The following CA3 variants were observed in gnomAD, a reference collection of about 807,000 sequenced individuals.
The protein encoded by CA3 is CA-III.
In CA3, 30 loss-of-function variants were observed where a neutral mutation model predicts 35.7. The ratio of observed to expected loss-of-function variants is 0.84; its 90% CI spans 0.63 to 1.14. The LOEUF (loss-of-function observed/expected upper bound fraction) is 1.14. Ranked by LOEUF, CA3 falls within the 50% of genes most tolerant of loss-of-function variation. CA3 has a pLI of 0.00. For synonymous variants in CA3, 131 were observed against 130.8 expected (o/e 1.00, Z -0.01); for missense variants, 295 against 328.5 (o/e 0.90, Z 0.79).
intron 1 of CA3, among the ~76,000 whole-genome samples, chr8:85,439,240 A>G (rs1005573919): frequency 6.6e-6 from 1 of 152,160 alleles, no homozygotes; most frequent in African/African-American, 2.4e-5. Context: ...GCCCGAGGTC[A>G]GGTGTGACTG....
Position 85,443,959 on chromosome 8 carries a change from G to A in CA3, c.352-75G>A, listed in dbSNP as rs537632960. ...CAACCTTAGCCTGTACAATGATTGG[G>A]TTTATTGTGGATAATGTTGTACTTA... On this transcript the variant is annotated intron_variant, in intron 3 of 6. Coordinates refer to ENST00000285381, the MANE Select transcript of CA3 (RefSeq NM_005181.4). The A allele has an allele frequency of 1.3e-5, 13 of 1,038,768 alleles. No homozygotes were observed. The African/African-American group carries it at 1.9e-4, about 15-fold the overall frequency. 64.3% of individuals were successfully genotyped at this position (1,038,768 alleles called of 1,614,324 possible). A position where few individuals can be genotyped will look rare whatever the true frequency, so the allele number is the denominator to read the frequency against.
At chr8:85,439,064 T>A in intron 1 of CA3, 121 bp downstream of exon 1, 1 of 949,618 alleles carries the variant, frequency 1.1e-6, no homozygotes, top group East Asian at 2.6e-5. Context: ...GAATAAGACC[T>A]AACATTTACT....
chr8:85,446,913 T>C (rs1421236730), intron 6 of CA3, among the ~76,000 whole-genome samples: 2 of 152,114 alleles, frequency 1.3e-5, no homozygotes, highest in Non-Finnish European at 2.9e-5. Flanking sequence ...AAAAGCTGTG[T>C]AGGAGAAAAT....
At position 85,439,564 on chromosome 8, in the gene CA3, A is replaced by G. The variant is rs144227764; in HGVS notation, c.35-148A>G. On this transcript the variant is annotated intron_variant, in intron 1 of 6. Transcript: ENST00000285381. ...AAAACTACCAACAGGCCTGAAATGA[A>G]TGCTAAGTCTCTTATTGCCCAGTCT... 130 of 603,454 alleles carry G rather than the reference A, an allele frequency of 2.2e-4. No homozygotes were observed. The Middle Eastern group carries it at 3.1e-3, about 14-fold the overall frequency. The allele number at this position is 603,454 out of a possible 1,614,324, so 37.4% of individuals were successfully genotyped here.
chr8:85,440,579 CAA>C (rs1811194518), intron 2 of CA3, among the ~76,000 whole-genome samples: 1 of 152,094 alleles, frequency 6.6e-6, no homozygotes, highest in Non-Finnish European at 1.5e-5. Flanking sequence ...CACTAGTAAG[CAA>C]ATCAGTATAA....
intron 1 of CA3, 52 bp downstream of exon 1, chr8:85,438,995 G>C: frequency 3.2e-6 from 5 of 1,541,676 alleles, no homozygotes; most frequent in Non-Finnish European, 4.4e-6. Context: ...GTCCAGGAGA[G>C]CCCTGCCATT....
intron 2 of CA3, chr8:85,441,851 C>G: frequency 1.9e-6 from 1 of 518,662 alleles, no homozygotes; most frequent in South Asian, 2.5e-5. Flanking sequence ...AATAATGAAA[C>G]AAGCAAACAA....
chr8:85,443,297 A>G, intron 3 of CA3, among the ~76,000 whole-genome samples: 1 of 152,204 alleles, frequency 6.6e-6, no homozygotes, highest in Admixed American at 6.5e-5. Context: ...AAGCCAAACC[A>G]ATAAGTGGTG....
At chr8:85,441,599 T>C (rs1290050622) in intron 2 of CA3, among the ~76,000 whole-genome samples, 1 of 152,176 alleles carries the variant, frequency 6.6e-6, no homozygotes, top group Non-Finnish European at 1.5e-5. Flanking sequence ...TCTGAAAGTT[T>C]GGTATTATTA....
chr8:85,445,407 GT>G (rs1480336021), intron 5 of CA3, among the ~76,000 whole-genome samples, 189 bp downstream of exon 5: 1 of 151,726 alleles, frequency 6.6e-6, no homozygotes, highest in Non-Finnish European at 1.5e-5. Flanking sequence ...ACATATATCA[GT>G]TTTTTTAATG....
At chr8:85,446,392 T>G in intron 6 of CA3, 95 bp downstream of exon 6, 1 of 1,364,844 alleles carries the variant, frequency 7.3e-7, no homozygotes, top group Non-Finnish European at 1.0e-6. Context: ...AACTGGATAC[T>G]CACTGAACAG....
At chr8:85,445,126 A>T in intron 4 of CA3, 30 bp from the exon 5 acceptor site, 1 of 1,487,122 alleles carries the variant, frequency 6.7e-7, no homozygotes, top group Non-Finnish European at 9.3e-7. Flanking sequence ...GAAGTAAAAG[A>T]ACTATACTTG....
At position 85,446,296 on chromosome 8, in the gene CA3, A is replaced by C; in HGVS notation, c.662A>C (p.Gln221Pro). 3 of 1,611,908 alleles carry C rather than the reference A, an allele frequency of 1.9e-6. No individual in the cohort carries two copies. Among genetic ancestry groups the C allele is most frequent in the Non-Finnish European group, 2.5e-6 (3 of 1,178,344 alleles). The change falls in exon 6 of 7, where the codon CAG becomes CCG. Residue 221 changes from glutamine to proline, a missense_variant and splice_region_variant. By Grantham distance (76) the Gln-to-Pro change is moderately conservative (BLOSUM62 -1). Transcript: ENST00000285381. ...GAGCCCATGACCGTGAGCTCTGACC[A>C]GGTGAGCAGCCTTGTGAACACGTGG... The part of the protein sequence containing the change: ...LKEPMTVSSD[Q>P]MAKLRSLLSS...
In CA3 at chr8:85,448,365, A is replaced by T; in HGVS notation, c.*212A>T. ...TATGAAAGCATAGATTTCACATTTG[A>T]TCTCTGTAATAATCATCTTTCCTAT... On this transcript the variant is annotated 3_prime_UTR_variant, in exon 7 of 7. Transcript: ENST00000285381. 1 of 382,188 alleles carries T rather than the reference A, an allele frequency of 2.6e-6. No homozygotes were observed. Among genetic ancestry groups the T allele is most frequent in the Non-Finnish European group, 4.6e-6 (1 of 217,954 alleles). 23.7% of individuals were successfully genotyped at this position (382,188 alleles called of 1,614,324 possible).
chr8:85,445,449 C>T (rs1811273669), intron 5 of CA3, among the ~76,000 whole-genome samples: 1 of 151,836 alleles, frequency 6.6e-6, no homozygotes, highest in Non-Finnish European at 1.5e-5. Context: ...TAATCACTTT[C>T]TCAATGGAGT....
chr8:85,441,272 A>T (rs1295279044), intron 2 of CA3, among the ~76,000 whole-genome samples: 1 of 152,214 alleles, frequency 6.6e-6, no homozygotes, highest in Non-Finnish European at 1.5e-5. Context: ...ACTTTGGAAG[A>T]CATTTGAACC....
chr8:85,443,696 G>C (rs957120103), intron 3 of CA3, among the ~76,000 whole-genome samples: 1 of 152,136 alleles, frequency 6.6e-6, no homozygotes, highest in Non-Finnish European at 1.5e-5. Context: ...TTTTTTAACT[G>C]CTGCAAATGA....
At chr8:85,445,717 A>T (rs1811279126) in intron 5 of CA3, among the ~76,000 whole-genome samples, 1 of 152,160 alleles carries the variant, frequency 6.6e-6, no homozygotes, top group Admixed American at 6.5e-5. Flanking sequence ...GTTCTAATCA[A>T]ATATTATTGA....
chr8:85,445,135 T>G (rs766742489), intron 4 of CA3, 21 bp from the exon 5 acceptor site: 1 of 1,551,286 alleles, frequency 6.4e-7, no homozygotes. Context: ...GAACTATACT[T>G]GGATTTCTGT....
Sources: allele counts gnomAD v4.1 joint callset (sites outside exome capture counted in the v4.1 genomes callset), GRCh38; gene constraint gnomAD v4.1.1; transcripts MANE v1.5; gene names NCBI Gene and HGNC (gene_info 2026-07-23, HGNC 2026-07-21).